The following NUDC variants were observed in gnomAD, a reference collection of about 807,000 sequenced individuals.
The protein encoded by NUDC is nuclear distribution C, dynein complex regulator, also known as nuclear migration protein nudC.
In NUDC, 14 loss-of-function variants were observed where a neutral mutation model predicts 45.0. The observed-to-expected ratio is 0.31, with a 90% CI of 0.21 to 0.49. NUDC has a LOEUF of 0.49. Among genes scored for constraint, NUDC ranks in the 20% least tolerant of loss-of-function variants. The probability of loss-of-function intolerance (pLI) is 0.99; values close to 1 mark genes in which losing one functional copy is unlikely to be tolerated. For synonymous variants in NUDC, 153 were observed against 156.7 expected (o/e 0.98, Z 0.17); for missense variants, 323 against 426.2 (o/e 0.76, Z 2.13).
At chr1:26,931,547 G>C (rs540391871) in intron 2 of NUDC, among the ~76,000 whole-genome samples, 1 of 150,054 alleles carries the variant, frequency 6.7e-6, no homozygotes. Context: ...TTGGGAGGCC[G>C]AGGTGGGCGG....
At chr1:26,923,831 G>A (rs2082110010) in intron 1 of NUDC, among the ~76,000 whole-genome samples, 1 of 152,118 alleles carries the variant, frequency 6.6e-6, no homozygotes, top group East Asian at 1.9e-4. Context: ...GGATGCAGAG[G>A]AGTGTTCCAT....
chr1:26,929,044 T>C (rs1287107822), intron 2 of NUDC, among the ~76,000 whole-genome samples: 1 of 152,070 alleles, frequency 6.6e-6, no homozygotes, highest in African/African-American at 2.4e-5. Flanking sequence ...GGATAAACAA[T>C]GTGGTATAGA....
At chr1:26,909,737 C>T (rs557910039) in intron 2 of NUDC, among the ~76,000 whole-genome samples, 96 of 151,936 alleles carry the variant, frequency 6.3e-4, no homozygotes, top group African/African-American at 2.2e-3. Context: ...CAAGGTTACA[C>T]GGGGTGGTAT....
At chr1:26,936,349 C>G (rs1473926523) in intron 2 of NUDC, among the ~76,000 whole-genome samples, 1 of 150,302 alleles carries the variant, frequency 6.7e-6, no homozygotes, top group Non-Finnish European at 1.5e-5. Flanking sequence ...GCCACCACGC[C>G]CAGCTAATTT....
exon 1 of NUDC, chr1:26,900,251 A>G (rs1031543428): frequency 1.2e-6 from 2 of 1,614,004 alleles, no homozygotes; most frequent in African/African-American, 1.3e-5. Flanking sequence ...GAATTAGGGC[A>G]GAGTTAGGAG....
At chr1:26,935,095 C>T (rs2124121490) in intron 2 of NUDC, among the ~76,000 whole-genome samples, 1 of 152,222 alleles carries the variant, frequency 6.6e-6, no homozygotes, top group East Asian at 1.9e-4. Flanking sequence ...GATTCTCCTG[C>T]CTCAGCCTCC....
chr1:26,913,507 G>T lies in NUDC; in HGVS notation c.93+2272G>T, dbSNP rs778073494. On this transcript the variant is annotated intron_variant, in intron 3 of 6. Transcript: ENST00000435827. ...CAGACAGCATTGAAGCCACTGCACC[G>T]CAGCCAGGGAGGGCTGGGGTCTGTC... 5.6e-6 allele frequency: 9 copies of T among 1,613,134 alleles called. No homozygotes were observed. In the African/African-American group the frequency reaches 9.3e-5, roughly 17 times the overall value.
chr1:26,934,510 A>G (rs1290305452), intron 2 of NUDC, among the ~76,000 whole-genome samples: 3 of 152,070 alleles, frequency 2.0e-5, no homozygotes, highest in Admixed American at 6.6e-5. Context: ...TCAAAACACA[A>G]TCATGCCCTT....
At chr1:26,916,680 C>T (rs1282231521) in intron 3 of NUDC, among the ~76,000 whole-genome samples, 1 of 152,032 alleles carries the variant, frequency 6.6e-6, no homozygotes, top group African/African-American at 2.4e-5. Context: ...AAGAACTGGC[C>T]GGGCACGGTG....
intron 2 of NUDC, 25 bp from the exon 3 acceptor site, chr1:26,941,432 C>T (rs1199565187): frequency 3.7e-6 from 6 of 1,610,734 alleles, no homozygotes; most frequent in Non-Finnish European, 5.1e-6. Context: ...GCTCTGATGC[C>T]TCATGGCCTT....
intron 1 of NUDC, among the ~76,000 whole-genome samples, chr1:26,901,397 CT>C (rs34988488): frequency 0.048 from 3,554 of 73,682 alleles, 17 homozygotes; most frequent in South Asian, 0.061. Flanking sequence ...GCCTTTTTGT[CT>C]TTTTTTTTTT....
intron 3 of NUDC, among the ~76,000 whole-genome samples, chr1:26,916,554 T>A (rs962856078): frequency 1.3e-5 from 2 of 152,164 alleles, no homozygotes; most frequent in Admixed American, 6.6e-5. Flanking sequence ...TAGCAAGATA[T>A]CAACTTTTCC....
intron 3 of NUDC, chr1:26,911,277 T>A (rs537106881): frequency 2.4e-6 from 1 of 420,826 alleles, no homozygotes; most frequent in African/African-American, 2.1e-5. Flanking sequence ...GGGGAGCGGT[T>A]AGTGAAGGGT....
At chr1:26,900,366 G>T (rs767248035) in exon 1 of NUDC, 2 of 1,614,024 alleles carry the variant, frequency 1.2e-6, no homozygotes, top group Admixed American at 3.3e-5. Flanking sequence ...TAAATGGGCC[G>T]AGCGCAACAC....
chr1:26,904,224 G>C lies in NUDC; in HGVS notation c.-16+1858G>C, dbSNP rs2081993284. 2.7e-5 allele frequency among the ~76,000 whole-genome samples: 4 copies of C among 145,680 alleles called. No individual in the cohort carries two copies. In the Admixed American group the frequency reaches 2.8e-4, roughly 10 times the overall value. On this transcript the variant is annotated intron_variant, in intron 2 of 6. Transcript: ENST00000435827. ...TGTCACCCAGGCTGGAGTGCATGCA[G>C]TGATGCAATCTTGGCTCACTGCAAC...
At chr1:26,930,910 A>G (rs551910837) in intron 2 of NUDC, among the ~76,000 whole-genome samples, 4 of 151,464 alleles carry the variant, frequency 2.6e-5, no homozygotes, top group South Asian at 2.1e-4. Flanking sequence ...CAGCTACTCG[A>G]GAAGCTGAGG....
chr1:26,909,968 G>A (rs2082018828), intron 2 of NUDC, among the ~76,000 whole-genome samples: 1 of 152,080 alleles, frequency 6.6e-6, no homozygotes, highest in African/African-American at 2.4e-5. Flanking sequence ...GGTTAGCTGG[G>A]GTCCCAAATG....
At chr1:26,905,151 A>ATT (rs1209319511) in intron 2 of NUDC, among the ~76,000 whole-genome samples, 18 of 105,016 alleles carry the variant, frequency 1.7e-4, no homozygotes, top group East Asian at 5.6e-4. Flanking sequence ...TATTATTATT[A>ATT]TTATTATTTT....
intron 2 of NUDC, among the ~76,000 whole-genome samples, chr1:26,928,175 T>A (rs1445629038): frequency 3.3e-5 from 5 of 152,156 alleles, no homozygotes; most frequent in Admixed American, 3.3e-4. Context: ...TTTATGAGGA[T>A]TTAATGTGTC....
Sources: allele counts gnomAD v4.1 joint callset (sites outside exome capture counted in the v4.1 genomes callset), GRCh38; gene constraint gnomAD v4.1.1; transcripts MANE v1.5; gene names NCBI Gene and HGNC (gene_info 2026-07-23, HGNC 2026-07-21).